Variants in IL1RAP observed in about 807,000 individuals in gnomAD.
The protein encoded by IL1RAP is interleukin 1 receptor accessory protein, also known as interleukin-1 receptor accessory protein.
A neutral mutation model predicts 60.7 loss-of-function variants in IL1RAP; 35 were observed. That is an observed-to-expected ratio of 0.58 (90% CI 0.44 to 0.76). The LOEUF (loss-of-function observed/expected upper bound fraction) is 0.76. Ranked by LOEUF, IL1RAP falls within the 30% of genes least tolerant of loss-of-function variation. IL1RAP has a pLI of 0.00. For missense variants in IL1RAP, 572 were observed against 693.9 expected (o/e 0.82, Z 1.97); for synonymous variants, 268 against 250.9 (o/e 1.07, Z -0.64).
chr3:190,638,043 G>T (rs1733362921), intron 9 of IL1RAP, among the ~76,000 whole-genome samples: 1 of 151,964 alleles, frequency 6.6e-6, no homozygotes, highest in Admixed American at 6.6e-5. Context: ...TTCATTCTCT[G>T]GGTGGTGAAC....
At chr3:190,593,352 C>G (rs1362589575) in intron 3 of IL1RAP, among the ~76,000 whole-genome samples, 1 of 152,174 alleles carries the variant, frequency 6.6e-6, no homozygotes, top group Admixed American at 6.5e-5. Flanking sequence ...ACTTCTTGCT[C>G]TCCTCTTGAT....
At chr3:190,640,511 T>G (rs1327284840) in intron 9 of IL1RAP, among the ~76,000 whole-genome samples, 1 of 152,220 alleles carries the variant, frequency 6.6e-6, no homozygotes, top group Non-Finnish European at 1.5e-5. Context: ...CTCAGGAGAA[T>G]GGTCATTACC....
downstream of IL1RAP, among the ~76,000 whole-genome samples, chr3:190,651,977 C>T (rs1006816122): frequency 2.6e-5 from 4 of 152,090 alleles, no homozygotes; most frequent in African/African-American, 4.8e-5. Flanking sequence ...TAGGCTTTAA[C>T]GCAACCACAC....
intron 10 of IL1RAP, 34 bp from the exon 11 acceptor site, chr3:190,645,665 C>T (rs755825834): frequency 6.5e-7 from 1 of 1,532,378 alleles, no homozygotes; most frequent in Admixed American, 1.9e-5. Context: ...AGAAACTTTC[C>T]TAATTTACAT....
At chr3:190,563,506 T>G (rs1308707291) in intron 2 of IL1RAP, 1 of 152,170 alleles carries the variant, frequency 6.6e-6, no homozygotes, top group Non-Finnish European at 1.5e-5. Flanking sequence ...CTCCACATCT[T>G]CAGCATTAAA....
At position 190,559,610 on chromosome 3, in the gene IL1RAP, C is replaced by T. The variant is rs80259407; in HGVS notation, c.-2+3394C>T. ...TCAAGTTAGAAATATTTTCTAATTT[C>T]CCTTACAACTTTCTTTTCAACCCAT... On this transcript the variant is annotated intron_variant, in intron 2 of 11. Coordinates refer to ENST00000447382, the MANE Select transcript of IL1RAP (RefSeq NM_002182.4). 8.1e-4 allele frequency among the ~76,000 whole-genome samples: 123 copies of T among 152,170 alleles called. 3 individuals are homozygous for T. In the East Asian group the frequency reaches 0.017, roughly 21 times the overall value.
chr3:190,652,498 T>C (rs1330208375), downstream of IL1RAP, among the ~76,000 whole-genome samples: 1 of 151,956 alleles, frequency 6.6e-6, no homozygotes, highest in Non-Finnish European at 1.5e-5. Flanking sequence ...TACTGAGCCC[T>C]GTAACATGCT....
At chr3:190,583,781 C>T (rs763654331) in intron 3 of IL1RAP, among the ~76,000 whole-genome samples, 4 of 152,136 alleles carry the variant, frequency 2.6e-5, no homozygotes, top group Non-Finnish European at 4.4e-5. Flanking sequence ...TGAGAAATGG[C>T]AATGAAGAAT....
chr3:190,616,631 C>T (rs1731297323), intron 5 of IL1RAP, among the ~76,000 whole-genome samples: 1 of 152,208 alleles, frequency 6.6e-6, no homozygotes, highest in East Asian at 1.9e-4. Flanking sequence ...GTAGATACTA[C>T]TAACAGTTCA....
chr3:190,514,640 C>T (rs1721345869), intron 1 of IL1RAP, among the ~76,000 whole-genome samples: 2 of 151,380 alleles, frequency 1.3e-5, no homozygotes, highest in Non-Finnish European at 1.5e-5. Context: ...CACTCGGTAT[C>T]ACGTCGCTCT....
At chr3:190,656,270 G>A (rs199794101), downstream of IL1RAP, 306 of 1,537,210 alleles carry the variant, frequency 2.0e-4, no homozygotes, top group African/African-American at 2.4e-3. Context: ...AGGAGAAGTC[G>A]TTTGAAAGAG....
chr3:190,603,343 T>C (rs1218239773), intron 3 of IL1RAP, among the ~76,000 whole-genome samples: 2 of 152,238 alleles, frequency 1.3e-5, no homozygotes, highest in East Asian at 3.8e-4. Context: ...AGCTCCTTTT[T>C]TATTTGACTC....
chr3:190,630,062 G>A (rs1252723979), intron 9 of IL1RAP: 12 of 798,298 alleles, frequency 1.5e-5, no homozygotes, highest in Non-Finnish European at 1.8e-5. Context: ...TTAAGGTATT[G>A]AATGTTTATT....
chr3:190,522,455 CT>C (rs1722166770), intron 1 of IL1RAP, among the ~76,000 whole-genome samples: 1 of 149,584 alleles, frequency 6.7e-6, no homozygotes, highest in Middle Eastern at 3.4e-3. Flanking sequence ...ATCTATCTAT[CT>C]ATCTATCTCT....
chr3:190,557,195 C>A (rs1346859846), intron 2 of IL1RAP, among the ~76,000 whole-genome samples: 1 of 152,154 alleles, frequency 6.6e-6, no homozygotes, highest in Non-Finnish European at 1.5e-5. Context: ...ATCACACAGT[C>A]AAACAAACTA....
chr3:190,525,593 A>G (rs1722440095), intron 1 of IL1RAP, among the ~76,000 whole-genome samples: 1 of 152,210 alleles, frequency 6.6e-6, no homozygotes, highest in South Asian at 2.1e-4. Flanking sequence ...ATAAGATGAG[A>G]AGACCAACTG....
chr3:190,578,617 C>A (rs1240806266), intron 3 of IL1RAP, among the ~76,000 whole-genome samples: 1 of 152,228 alleles, frequency 6.6e-6, no homozygotes, highest in Non-Finnish European at 1.5e-5. Context: ...CAACTCCCCA[C>A]TTTCCTCCAT....
chr3:190,521,447 A>G (rs1722009904), intron 1 of IL1RAP, among the ~76,000 whole-genome samples: 1 of 150,604 alleles, frequency 6.6e-6, no homozygotes, highest in Non-Finnish European at 1.5e-5. Context: ...TCTAACTCCA[A>G]GATTATGTCA....
chr3:190,534,363 T>C (rs565553442), intron 1 of IL1RAP, among the ~76,000 whole-genome samples: 12 of 152,302 alleles, frequency 7.9e-5, no homozygotes, highest in African/African-American at 2.9e-4. Context: ...TTTCATTCCT[T>C]GTAGAAAAGC....
Sources: gnomAD v4.1 joint callset for allele counts (sites outside exome capture counted in the v4.1 genomes callset) on GRCh38, gnomAD v4.1.1 for gene constraint, MANE v1.5 for transcripts, NCBI Gene and HGNC (gene_info 2026-07-23, HGNC 2026-07-21) for gene names.